The following KIAA1217 variants were observed in gnomAD, a reference collection of about 807,000 sequenced individuals.
The protein encoded by KIAA1217 is sickle tail protein homolog.
A neutral mutation model predicts 163.9 loss-of-function variants in KIAA1217; 88 were observed. The ratio of observed to expected loss-of-function variants is 0.54; its 90% CI spans 0.45 to 0.64. The LOEUF is 0.64. KIAA1217 is among the 30% of genes least tolerant of loss of function. The probability of loss-of-function intolerance (pLI) is 0.00; values close to 1 mark genes in which losing one functional copy is unlikely to be tolerated. For missense variants in KIAA1217, 2,372 were observed against 2,475.0 expected (o/e 0.96, Z 0.88); for synonymous variants, 903 against 923.1 (o/e 0.98, Z 0.39).
Position 24,524,309 on chromosome 10 carries a change from A to T in KIAA1217, c.2457-14A>T. ...GACATGAGGGTTAATGCCGCTGTGC[A>T]TGGTTTCTCCTAGACATGTCACTGA... On this transcript the variant is annotated splice_polypyrimidine_tract_variant and intron_variant, in intron 12 of 20. Coordinates refer to ENST00000376454, the MANE Select transcript of KIAA1217 (RefSeq NM_019590.5). The T allele has an allele frequency of 6.3e-7, 1 of 1,598,706 alleles. No homozygotes were observed. The highest frequency in any genetic ancestry group is 8.6e-7 in the Non-Finnish European group (1 of 1,167,522).
rs570083714 is a variant in KIAA1217, at chr10:23,711,902, T to C, written c.-321+16668T>C. 2.0e-5 allele frequency among the ~76,000 whole-genome samples: 3 copies of C among 152,280 alleles called. No individual in the cohort carries two copies. The South Asian group carries it at 6.2e-4, about 32-fold the overall frequency. On this transcript the variant is annotated intron_variant, in intron 1 of 18. Transcript: ENST00000376462. ...GAAACGAAGCCTGATATGATCACTTTCAGGAAATCTAAAATGTGGGAATCG... is the reference window on the plus strand; with the variant it reads ...GAAACGAAGCCTGATATGATCACTTCCAGGAAATCTAAAATGTGGGAATCG...
At chr10:24,155,376 G>C (rs2064827535) in intron 2 of KIAA1217, among the ~76,000 whole-genome samples, 1 of 152,156 alleles carries the variant, frequency 6.6e-6, no homozygotes, top group African/African-American at 2.4e-5. Context: ...CAAGTACTTA[G>C]AGAACATCTA....
chr10:24,363,571 T>G (rs1269135506), intron 2 of KIAA1217, among the ~76,000 whole-genome samples: 7 of 150,744 alleles, frequency 4.6e-5, no homozygotes, highest in Middle Eastern at 3.4e-3. Flanking sequence ...GTTTTTGTTT[T>G]TTTTTTTTTT....
chr10:23,796,540 T>G (rs1440734130), intron 1 of KIAA1217, among the ~76,000 whole-genome samples: 2 of 152,012 alleles, frequency 1.3e-5, no homozygotes, highest in African/African-American at 2.4e-5. Flanking sequence ...TTTTTGTATT[T>G]TTAGTAGAGT....
intron 2 of KIAA1217, among the ~76,000 whole-genome samples, chr10:24,137,552 C>T (rs2063882856): frequency 6.6e-6 from 1 of 152,176 alleles, no homozygotes; most frequent in Non-Finnish European, 1.5e-5. Flanking sequence ...AACGTTTGCC[C>T]AGACTTTGTT....
intron 2 of KIAA1217, among the ~76,000 whole-genome samples, chr10:24,094,890 G>T (rs1228942060): frequency 6.6e-6 from 1 of 152,222 alleles, no homozygotes; most frequent in Non-Finnish European, 1.5e-5. Flanking sequence ...GCTCCACCCA[G>T]TTCGAGCTTC....
At chr10:23,974,489 A>G (rs1589166466) in intron 1 of KIAA1217, among the ~76,000 whole-genome samples, 1 of 152,082 alleles carries the variant, frequency 6.6e-6, no homozygotes, top group Admixed American at 6.5e-5. Context: ...ATGAAGTAAG[A>G]TAACATGCAC....
chr10:24,170,922 G>C (rs529018593), intron 2 of KIAA1217, among the ~76,000 whole-genome samples: 19 of 152,300 alleles, frequency 1.2e-4, no homozygotes, highest in Admixed American at 3.3e-4. Flanking sequence ...GCCCAGTTGG[G>C]CCTGTTCTGT....
chr10:24,446,669 G>A (rs2060961855), intron 5 of KIAA1217, among the ~76,000 whole-genome samples: 1 of 152,188 alleles, frequency 6.6e-6, no homozygotes, highest in Non-Finnish European at 1.5e-5. Context: ...AATGACAACG[G>A]TATCAATAAC....
At chr10:23,970,318 GAA>G (rs375157901) in intron 1 of KIAA1217, among the ~76,000 whole-genome samples, 5 of 152,278 alleles carry the variant, frequency 3.3e-5, no homozygotes, top group African/African-American at 1.2e-4. Context: ...TTAAAAAGAA[GAA>G]AAGTTTGTCA....
intron 2 of KIAA1217, among the ~76,000 whole-genome samples, chr10:24,231,996 G>A (rs1367152060): frequency 3.3e-5 from 5 of 152,252 alleles, no homozygotes; most frequent in East Asian, 1.9e-4. Context: ...GTTTCACCAC[G>A]TTGGCCAGGG....
At chr10:23,717,919 A>G (rs1837665829) in intron 1 of KIAA1217, among the ~76,000 whole-genome samples, 1 of 152,224 alleles carries the variant, frequency 6.6e-6, no homozygotes, top group Non-Finnish European at 1.5e-5. Context: ...ATAAAACATT[A>G]TACACACATC....
At chr10:24,097,563 G>C (rs2062212580) in intron 2 of KIAA1217, among the ~76,000 whole-genome samples, 1 of 152,090 alleles carries the variant, frequency 6.6e-6, no homozygotes, top group African/African-American at 2.4e-5. Flanking sequence ...AAGAGAGAGA[G>C]AGAGGAAGGC....
rs2062355049 is a variant in KIAA1217 at position 24,100,179 on chromosome 10, G to C, written c.-171+92805G>C. Among the ~76,000 whole-genome samples, 2 of 151,668 alleles carry C rather than the reference G, an allele frequency of 1.3e-5. 1 individual carries two copies. Among genetic ancestry groups the C allele is most frequent in the South Asian group, 4.2e-4 (2 of 4,762 alleles). Reference sequence around the variant, plus strand: ...TTTTCATCACTCCACCAAGAAACAAGGGTCTGAGGCTGCTATTATGTTAGT... The same window carrying C: ...TTTTCATCACTCCACCAAGAAACAACGGTCTGAGGCTGCTATTATGTTAGT... On this transcript the variant is annotated intron_variant, in intron 2 of 18. Transcript: ENST00000376462.
chr10:23,763,352 A>G (rs1056302586), intron 1 of KIAA1217, among the ~76,000 whole-genome samples: 5 of 152,236 alleles, frequency 3.3e-5, no homozygotes, highest in African/African-American at 1.2e-4. Context: ...ACACTACCTG[A>G]CTTCAAACTA....
chr10:23,924,573 T>A (rs1355155257), intron 1 of KIAA1217, among the ~76,000 whole-genome samples: 1 of 152,160 alleles, frequency 6.6e-6, no homozygotes, highest in Non-Finnish European at 1.5e-5. Flanking sequence ...TGAGCAAAAT[T>A]AGACATAGAG....
At position 24,017,558 on chromosome 10, in the gene KIAA1217, C is replaced by A. The variant is rs527743169; in HGVS notation, c.-171+10184C>A. ...AAAAAGTAACATACTGGCTTAAATT[C>A]ACACTATAATTTTCCATTTAAACAC... On this transcript the variant is annotated intron_variant, in intron 2 of 18. Transcript: ENST00000376462. Among the ~76,000 whole-genome samples the A allele has an allele frequency of 6.6e-5, 10 of 152,162 alleles. No homozygotes were observed. In the South Asian group the frequency reaches 2.1e-3, roughly 32 times the overall value.
At chr10:23,872,714 T>C (rs1409325687) in intron 1 of KIAA1217, among the ~76,000 whole-genome samples, 3 of 152,120 alleles carry the variant, frequency 2.0e-5, no homozygotes, top group Non-Finnish European at 1.5e-5. Context: ...TGTGAAAATA[T>C]AACATCTTGG....
intron 1 of KIAA1217, among the ~76,000 whole-genome samples, chr10:23,748,500 AAGGAG>A (rs1160555821): frequency 2.0e-4 from 25 of 125,458 alleles, no homozygotes; most frequent in Admixed American, 1.8e-3. Context: ...AAAGAAGGGA[AAGGAG>A]AGGAGAGGAG....
Sources: gnomAD v4.1 joint callset for allele counts (sites outside exome capture counted in the v4.1 genomes callset) on GRCh38, gnomAD v4.1.1 for gene constraint, MANE v1.5 for transcripts, NCBI Gene and HGNC (gene_info 2026-07-23, HGNC 2026-07-21) for gene names.